CLK1: variants seen among roughly 807,000 people sequenced by gnomAD.
CLK1 encodes dual specificity protein kinase CLK1.
Under a neutral mutation model 60.9 loss-of-function variants are expected in CLK1, and 40 were observed. The ratio of observed to expected loss-of-function variants is 0.66; its 90% CI spans 0.51 to 0.86. CLK1 has a LOEUF of 0.86. Among genes scored for constraint, CLK1 ranks in the 40% least tolerant of loss-of-function variants. The probability of loss-of-function intolerance (pLI) is 0.00; values close to 1 mark genes in which losing one functional copy is unlikely to be tolerated. For missense variants in CLK1, 563 were observed against 606.1 expected (o/e 0.93, Z 0.75); for synonymous variants, 203 against 184.4 (o/e 1.10, Z -0.82).
chr2:200,855,004 T>C lies in CLK1; in HGVS notation c.1140A>G (p.Pro380=). 1 of 1,603,590 alleles carries C rather than the reference T, an allele frequency of 6.2e-7. No homozygotes were observed. The highest frequency in any genetic ancestry group is 8.5e-7 in the Non-Finnish European group (1 of 1,176,038). The change falls in exon 10 of 13, where the codon CCA becomes CCG. Residue 380 remains proline (P), a splice_region_variant and synonymous_variant. Transcript: ENST00000321356. ...GTTGAAATAGATCATTGTCACTTACTGGAAATACGGTAAACCCAAGATAGT... is the reference window on the plus strand; with the variant it reads ...GTTGAAATAGATCATTGTCACTTACCGGAAATACGGTAAACCCAAGATAGT... ...IEYYLGFTVF[P]THDSKEHLAM... is the part of the protein sequence containing the mutation.
intron 1 of CLK1, 107 bp from the exon 2 acceptor site, chr2:200,861,969 C>T: frequency 1.2e-6 from 1 of 814,150 alleles, no homozygotes; most frequent in Non-Finnish European, 1.9e-6. Flanking sequence ...GACCAAAATT[C>T]AAGAATCATT....
intron 2 of CLK1, 77 bp downstream of exon 2, chr2:200,861,625 A>T (rs938701534): frequency 6.4e-7 from 1 of 1,574,758 alleles, no homozygotes; most frequent in African/African-American, 1.4e-5. Context: ...GGTAGTAATC[A>T]GGTACTTATT....
In CLK1 at chr2:200,855,035, A is replaced by G. The variant is rs759112804; in HGVS notation, c.1109T>C (p.Ile370Thr). 14 of 1,613,120 alleles carry G rather than the reference A, an allele frequency of 8.7e-6. No homozygotes were observed. The highest frequency in any genetic ancestry group is 1.6e-4 in the Middle Eastern group (1 of 6,078). ...TACGGTAAACCCAAGATAGTATTCA[A>G]TAAGAATGCATCCTATGCTCCAGAC... ...CDVWSIGCIL[I>T]EYYLGFTVFP... The change falls in exon 10 of 13, where the codon ATT becomes ACT. Residue 370 changes from isoleucine (I) to threonine (T), a missense_variant. Ile to Thr is a moderately conservative substitution (Grantham distance 89). Coordinates refer to ENST00000321356, the MANE Select transcript of CLK1 (RefSeq NM_004071.4).
rs994050821 is a variant in CLK1 at position 200,854,812 on chromosome 2, T to C, written c.1141-117A>G. The stretch of plus-strand genomic sequence containing the variant: ...CAGAACAAACTCGCCAATGATTCCC[T>C]ACATGGACACGGATAATTGCTTATA... On this transcript the variant is annotated intron_variant, in intron 10 of 12. Coordinates refer to ENST00000321356, the MANE Select transcript of CLK1 (RefSeq NM_004071.4). The C allele has an allele frequency of 4.8e-6, 4 of 841,132 alleles. No homozygotes were observed. The African/African-American group carries it at 6.8e-5, about 14-fold the overall frequency. 52.1% of individuals were successfully genotyped at this position (841,132 alleles called of 1,614,324 possible).
intron 7 of CLK1, 75 bp downstream of exon 7, chr2:200,857,643 C>T: frequency 8.1e-7 from 1 of 1,239,822 alleles, no homozygotes; most frequent in Non-Finnish European, 1.1e-6. Context: ...AAAAATTGTA[C>T]ACACTTAGGA....
At chr2:200,861,024 A>G (rs1384854172) in intron 3 of CLK1, 1 of 1,354,136 alleles carries the variant, frequency 7.4e-7, no homozygotes, top group African/African-American at 1.5e-5. Context: ...CTGGAATGTC[A>G]ATTAGGAGCC....
rs2039137599 is a variant in CLK1 at position 200,861,469 on chromosome 2, A to G, written c.162-3T>C. ...TAGACCTGCTTTCCAAATAATGGCT[A>G]GAGAAATAAAAATTATTTTCAATGT... On this transcript the variant is annotated splice_region_variant and splice_polypyrimidine_tract_variant and intron_variant, in intron 2 of 12. Transcript: ENST00000321356. The G allele has an allele frequency of 1.9e-6, 3 of 1,610,682 alleles. No individual in the cohort carries two copies. The highest frequency in any genetic ancestry group is 1.3e-5 in the African/African-American group (1 of 74,680).
intron 1 of CLK1, chr2:200,864,213 C>T: frequency 6.5e-7 from 1 of 1,548,408 alleles, no homozygotes; most frequent in Non-Finnish European, 8.7e-7. Context: ...AGCCGGCCTC[C>T]GCCCAGCCGC....
intron 2 of CLK1, 54 bp downstream of exon 2, chr2:200,861,648 A>G (rs112533827): frequency 6.3e-7 from 1 of 1,589,252 alleles, no homozygotes. Context: ...AAGTGATACT[A>G]GTTTTGTCTA....
intron 1 of CLK1, among the ~76,000 whole-genome samples, chr2:200,863,872 G>A (rs2039184602): frequency 6.6e-6 from 1 of 152,040 alleles, no homozygotes; most frequent in Admixed American, 6.6e-5. Flanking sequence ...AGCTCCAACT[G>A]CTAACCCAAG....
intron 11 of CLK1, 75 bp downstream of exon 11, chr2:200,854,541 A>T (rs2039008417): frequency 1.0e-6 from 1 of 999,942 alleles, no homozygotes; most frequent in Non-Finnish European, 1.6e-6. Context: ...ATCTCAAAAA[A>T]AAAAAAAAAA....
chr2:200,853,355 C>T lies in CLK1; in HGVS notation c.1406G>A (p.Arg469Lys), dbSNP rs1362501972. Residue 469 changes from arginine to lysine, a missense_variant, in exon 13 of 13, where the codon AGA becomes AAA. Around this residue, in one of 3 missense-constraint regions of CLK1, gnomAD observed 360 missense variants for 407.0 expected, o/e 0.88. Transcript: ENST00000321356. Reference sequence around the variant, plus strand: ...AAAGAAAGGATGCTTTAAGGCTTCTCTGAGAGTAATTCTTTTGGCTGGATC... The same window carrying T: ...AAAGAAAGGATGCTTTAAGGCTTCTTTGAGAGTAATTCTTTTGGCTGGATC... ...EYDPAKRITLREALKHPFFDL... is the reference protein window; with the variant it reads ...EYDPAKRITLKEALKHPFFDL... 1 of 1,613,360 alleles carries T rather than the reference C, an allele frequency of 6.2e-7. No individual in the cohort carries two copies. The highest frequency in any genetic ancestry group is 1.7e-5 in the Admixed American group (1 of 59,930).
At chr2:200,856,224 C>A (rs1439368384) in intron 9 of CLK1, among the ~76,000 whole-genome samples, 2 of 151,764 alleles carry the variant, frequency 1.3e-5, no homozygotes, top group East Asian at 3.9e-4. Flanking sequence ...ACGTGTACCA[C>A]CACACCCAGC....
Position 200,861,279 on chromosome 2 carries a change from G to A in CLK1, c.349C>T (p.His117Tyr). 1 of 1,614,144 alleles carries A rather than the reference G, an allele frequency of 6.2e-7. No homozygotes were observed. The change falls in exon 3 of 13, where the codon CAC becomes TAC. Residue 117 changes from histidine (H) to tyrosine (Y), a missense_variant. Transcript: ENST00000321356. ...TGTGAAGTACTGTGGTGAATCCTGT[G>A]TTTGCTTTTATAACTACTTCTTCCA... ...RSGRSSYKSKHRIHHSTSHRR... is the reference protein window; with the variant it reads ...RSGRSSYKSKYRIHHSTSHRR...
rs745605678 is a variant in CLK1, at chr2:200,857,895, A to G, written c.666-11T>C. On this transcript the variant is annotated splice_polypyrimidine_tract_variant and intron_variant, in intron 6 of 12. Transcript: ENST00000321356. Reference sequence around the variant, plus strand: ...ATCTGGACACAGCGGCTACAAACACATGAAAAATAGCTAAGTATAGTTGCT... The same window carrying G: ...ATCTGGACACAGCGGCTACAAACACGTGAAAAATAGCTAAGTATAGTTGCT... The G allele has an allele frequency of 6.2e-7, 1 of 1,612,162 alleles. No individual in the cohort carries two copies. Among genetic ancestry groups the G allele is most frequent in the Non-Finnish European group, 8.5e-7 (1 of 1,178,760 alleles).
intron 3 of CLK1, 21 bp from the exon 4 acceptor site, chr2:200,860,236 G>GCA: frequency 6.2e-7 from 1 of 1,613,346 alleles, no homozygotes; most frequent in South Asian, 1.1e-5. Flanking sequence ...CAAGTGGGCG[G>GCA]CACCAAGATC....
chr2:200,854,720 T>C (rs767097735), intron 10 of CLK1, 25 bp from the exon 11 acceptor site: 1 of 1,501,912 alleles, frequency 6.7e-7, no homozygotes, highest in South Asian at 1.1e-5. Context: ...AAAACAGACT[T>C]GGGGAAGATG....
intron 1 of CLK1, chr2:200,864,266 C>T: frequency 1.3e-6 from 2 of 1,502,650 alleles, no homozygotes; most frequent in Non-Finnish European, 1.8e-6. Context: ...ATGGCGCCCG[C>T]CCGACCGTCC....
At chr2:200,855,625 C>T (rs1190687392) in intron 9 of CLK1, among the ~76,000 whole-genome samples, 3 of 148,148 alleles carry the variant, frequency 2.0e-5, no homozygotes, top group African/African-American at 7.5e-5. Context: ...ACTCCGCCCC[C>T]CCCCCAAAAA....
Sources: gnomAD v4.1 joint callset for allele counts (sites outside exome capture counted in the v4.1 genomes callset) on GRCh38, gnomAD v4.1.1 for gene constraint, gnomAD v4.1.1 regional missense constraint, MANE v1.5 for transcripts, NCBI Gene and HGNC (gene_info 2026-07-23, HGNC 2026-07-21) for gene names.